ARL15: variants seen among roughly 807,000 people sequenced by gnomAD.
The protein encoded by ARL15 is ADP-ribosylation factor-like protein 15.
Under a neutral mutation model 25.2 loss-of-function variants are expected in ARL15, and 19 were observed. The ratio of observed to expected loss-of-function variants is 0.75; its 90% CI spans 0.53 to 1.10. The LOEUF is 1.10. ARL15 is among the 50% of genes least tolerant of loss of function. The pLI is 0.00. For synonymous variants in ARL15, 94 were observed against 86.8 expected (o/e 1.08, Z -0.46); for missense variants, 220 against 246.0 (o/e 0.89, Z 0.71).
At chr5:53,887,442 A>T in intron 4 of ARL15, 1 of 695,956 alleles carries the variant, frequency 1.4e-6, no homozygotes, top group Non-Finnish European at 2.6e-6. Context: ...TGTTCAATTA[A>T]TAACCAGTCA....
At chr5:54,014,074 T>G in intron 4 of ARL15, among the ~76,000 whole-genome samples, 1 of 152,344 alleles carries the variant, frequency 6.6e-6, no homozygotes, top group African/African-American at 2.4e-5. Context: ...TTTTGAGTGC[T>G]GACATGACAC....
intron 4 of ARL15, among the ~76,000 whole-genome samples, chr5:53,893,482 C>T (rs549349442): frequency 7.3e-4 from 111 of 152,246 alleles, no homozygotes; most frequent in African/African-American, 2.5e-3. Flanking sequence ...GTGGTGGGCG[C>T]CTGTAGTCCC....
intron 4 of ARL15, among the ~76,000 whole-genome samples, chr5:54,041,523 G>C (rs1750342238): frequency 6.6e-6 from 1 of 152,160 alleles, no homozygotes; most frequent in African/African-American, 2.4e-5. Context: ...TAATAGACTT[G>C]CTCAAGGCTC....
intron 1 of ARL15, among the ~76,000 whole-genome samples, chr5:54,224,348 G>A (rs1317583368): frequency 2.0e-5 from 3 of 152,160 alleles, no homozygotes; most frequent in Non-Finnish European, 4.4e-5. Flanking sequence ...CAGGAAATGA[G>A]GAAATGGAAC....
chr5:53,995,000 G>A (rs756490067), intron 4 of ARL15, among the ~76,000 whole-genome samples: 9 of 152,088 alleles, frequency 5.9e-5, no homozygotes, highest in Non-Finnish European at 1.3e-4. Flanking sequence ...CTTAATGGGT[G>A]CCAAGACATT....
At chr5:54,078,445 C>G (rs1355626752) in intron 4 of ARL15, among the ~76,000 whole-genome samples, 2 of 152,202 alleles carry the variant, frequency 1.3e-5, no homozygotes, top group Non-Finnish European at 2.9e-5. Flanking sequence ...AAATGATACA[C>G]ACAGGAAGCT....
At chr5:54,190,393 A>G (rs78786903) in intron 1 of ARL15, among the ~76,000 whole-genome samples, 3 of 123,420 alleles carry the variant, frequency 2.4e-5, no homozygotes, top group Admixed American at 2.3e-4. Context: ...ACGTTGTCTC[A>G]AAAAAAAAAA....
chr5:54,028,524 AAACC>A, intron 4 of ARL15, among the ~76,000 whole-genome samples: 1 of 151,910 alleles, frequency 6.6e-6, no homozygotes, highest in East Asian at 1.9e-4. Flanking sequence ...AAAAAAAAAA[AAACC>A]ACAACTGAAT....
intron 1 of ARL15, among the ~76,000 whole-genome samples, chr5:54,249,534 A>C (rs1434939917): frequency 6.6e-6 from 1 of 152,168 alleles, no homozygotes; most frequent in Non-Finnish European, 1.5e-5. Flanking sequence ...ATAAGGAAGG[A>C]GAGAGATAGG....
At chr5:54,245,379 G>A (rs1259520903) in intron 1 of ARL15, among the ~76,000 whole-genome samples, 1 of 152,142 alleles carries the variant, frequency 6.6e-6, no homozygotes, top group Non-Finnish European at 1.5e-5. Flanking sequence ...GGTTAAATGA[G>A]CAGACACTTT....
rs370604874 is a variant in ARL15, at chr5:53,988,638, CT to C, written c.463-101926del. ...TTGCGTGCCTAAAATGACCAGGATA[CT>C]CTCCAAAAGACAATTTTACAGCATA... On this transcript the variant is annotated intron_variant, in intron 4 of 4. Coordinates refer to ENST00000504924, the MANE Select transcript of ARL15 (RefSeq NM_019087.3). Among the ~76,000 whole-genome samples, 1,046 of 152,282 alleles carry C rather than the reference CT, an allele frequency of 6.9e-3. 15 individuals are homozygous for C. The highest frequency in any genetic ancestry group is 0.024 in the African/African-American group (982 of 41,550).
At chr5:54,240,586 C>T (rs746023803) in intron 1 of ARL15, among the ~76,000 whole-genome samples, 12 of 152,144 alleles carry the variant, frequency 7.9e-5, no homozygotes, top group Non-Finnish European at 1.6e-4. Flanking sequence ...TCCCTGCCAT[C>T]TAGACTAGGA....
intron 1 of ARL15, among the ~76,000 whole-genome samples, chr5:54,183,800 C>T (rs1295939027): frequency 6.6e-6 from 1 of 151,410 alleles, no homozygotes. Flanking sequence ...CACATGCACA[C>T]GTATGTTTAT....
At chr5:54,046,892 G>A (rs1195659875) in intron 4 of ARL15, among the ~76,000 whole-genome samples, 2 of 152,172 alleles carry the variant, frequency 1.3e-5, no homozygotes, top group Admixed American at 6.5e-5. Flanking sequence ...GCAGGCCAGG[G>A]CCTTATGGGG....
At chr5:54,246,093 G>A (rs1757079946) in intron 1 of ARL15, among the ~76,000 whole-genome samples, 1 of 151,528 alleles carries the variant, frequency 6.6e-6, no homozygotes, top group Non-Finnish European at 1.5e-5. Context: ...CAATATCCCA[G>A]AAATATTAGG....
At chr5:54,218,243 T>G (rs1756269973) in intron 1 of ARL15, among the ~76,000 whole-genome samples, 1 of 152,186 alleles carries the variant, frequency 6.6e-6, no homozygotes, top group Non-Finnish European at 1.5e-5. Flanking sequence ...TCTCTTTCTA[T>G]TCAAAAAGAG....
chr5:53,931,045 T>C (rs142815350), intron 4 of ARL15, among the ~76,000 whole-genome samples: 34 of 152,330 alleles, frequency 2.2e-4, no homozygotes, highest in Non-Finnish European at 4.0e-4. Context: ...ATGGTGATTA[T>C]AAATAAACTC....
In ARL15 at chr5:54,310,509, C is replaced by G; in HGVS notation, c.-30G>C. 7 of 1,581,930 alleles carry G rather than the reference C, an allele frequency of 4.4e-6. No individual in the cohort carries two copies. Among genetic ancestry groups the G allele is most frequent in the Non-Finnish European group, 5.1e-6 (6 of 1,165,382 alleles). Reference sequence around the variant, plus strand: ...CAGCCTAAAGCATCCGGAACGGCTCCGAACCCGGAAAAAAAAAGCAGCGTC... The same window carrying G: ...CAGCCTAAAGCATCCGGAACGGCTCGGAACCCGGAAAAAAAAAGCAGCGTC... On this transcript the variant is annotated 5_prime_UTR_variant, in exon 1 of 5. Coordinates refer to ENST00000504924, the MANE Select transcript of ARL15 (RefSeq NM_019087.3).
chr5:53,901,716 G>A (rs949476697), intron 4 of ARL15, among the ~76,000 whole-genome samples: 1 of 152,012 alleles, frequency 6.6e-6, no homozygotes, highest in Non-Finnish European at 1.5e-5. Flanking sequence ...GCAGGTTGAA[G>A]ATATGAGTTC....
Sources: gnomAD v4.1 joint callset for allele counts (sites outside exome capture counted in the v4.1 genomes callset) on GRCh38, gnomAD v4.1.1 for gene constraint, MANE v1.5 for transcripts, NCBI Gene and HGNC (gene_info 2026-07-23, HGNC 2026-07-21) for gene names.